Variants in GAK observed in about 807,000 individuals in gnomAD.
GAK encodes cyclin-G-associated kinase.
Under a neutral mutation model 143.9 loss-of-function variants are expected in GAK, and 79 were observed. That is an observed-to-expected ratio of 0.55 (90% CI 0.46 to 0.66). The LOEUF (loss-of-function observed/expected upper bound fraction) is 0.66, where lower values mean the gene tolerates loss of function less well. GAK is among the 30% of genes least tolerant of loss of function. The probability of loss-of-function intolerance (pLI) is 0.00; values close to 1 mark genes in which losing one functional copy is unlikely to be tolerated. For missense variants in GAK, 1,693 were observed against 1,779.7 expected (o/e 0.95, Z 0.88); for synonymous variants, 881 against 765.5 (o/e 1.15, Z -2.49).
At position 877,195 on chromosome 4, in the gene GAK, A is replaced by C. The variant is rs769201527; in HGVS notation, c.1869T>G (p.Ile623Met). The C allele has an allele frequency of 6.2e-7, 1 of 1,611,864 alleles. No homozygotes were observed. The highest frequency in any genetic ancestry group is 8.5e-7 in the Non-Finnish European group (1 of 1,178,076). The change falls in exon 17 of 28, where the codon ATT (isoleucine) becomes ATG (methionine). Residue 623 changes from isoleucine to methionine, a missense_variant. Ile to Met is a conservative substitution (Grantham distance 10, BLOSUM62 1). This residue lies in a region of GAK where 871 missense variants were observed against 991.0 expected (regional missense o/e 0.88). Transcript: ENST00000314167. ...QEYDKMRDFKIEDGKAVIPLG... is the reference protein window; with the variant it reads ...QEYDKMRDFKMEDGKAVIPLG... ...GGGGAATCACCGCTTTGCCATCTTCAATCTTAAAGTCCCTAAGGACAGAAT... is the reference window on the plus strand; with the variant it reads ...GGGGAATCACCGCTTTGCCATCTTCCATCTTAAAGTCCCTAAGGACAGAAT...
chr4:873,024 G>A (rs1371995775), intron 18 of GAK, among the ~76,000 whole-genome samples: 3 of 151,624 alleles, frequency 2.0e-5, no homozygotes, highest in South Asian at 2.1e-4. Flanking sequence ...CAGGCACGGC[G>A]CAGGCTCACC....
At chr4:856,723 C>T (rs991082292) in intron 24 of GAK, among the ~76,000 whole-genome samples, 3 of 151,130 alleles carry the variant, frequency 2.0e-5, no homozygotes, top group African/African-American at 4.9e-5. Flanking sequence ...ACCACAGCTG[C>T]TCACCACAGC....
At chr4:858,749 A>G (rs887720696) in intron 24 of GAK, among the ~76,000 whole-genome samples, 1 of 152,072 alleles carries the variant, frequency 6.6e-6, no homozygotes, top group Non-Finnish European at 1.5e-5. Context: ...GAGAGTGAGG[A>G]CTCGAAGCCA....
At position 870,693 on chromosome 4, in the gene GAK, T is replaced by A. The variant is rs374534522; in HGVS notation, c.2248+18A>T. 2.4e-5 allele frequency: 39 copies of A among 1,611,800 alleles called. No individual in the cohort carries two copies. In the African/African-American group the frequency reaches 3.7e-4, roughly 15 times the overall value. On this transcript the variant is annotated intron_variant, in intron 19 of 27. Transcript: ENST00000314167. ...CTCACCAGAACAGGGTTCACCTAATTCACCTGCGGGATCTTACCAAACTTA... is the reference window on the plus strand; with the variant it reads ...CTCACCAGAACAGGGTTCACCTAATACACCTGCGGGATCTTACCAAACTTA...
chr4:904,519 C>T lies in GAK; in HGVS notation c.525+118G>A, dbSNP rs528690218. The stretch of plus-strand genomic sequence containing the variant: ...GGGCGGCTCCTAACCGAGCGGGACC[C>T]GCACACAGAGGCCTCAGCAGCCGCT... On this transcript the variant is annotated intron_variant, in intron 5 of 27. Transcript: ENST00000314167. 3.4e-5 allele frequency: 29 copies of T among 859,872 alleles called. No individual in the cohort carries two copies. In the Admixed American group the frequency reaches 4.2e-4, roughly 13 times the overall value. 53.3% of individuals were successfully genotyped at this position (859,872 alleles called of 1,614,324 possible). A position where few individuals can be genotyped will look rare whatever the true frequency, so the allele number is the denominator to read the frequency against.
At chr4:874,641 G>A (rs74705729) in intron 18 of GAK, among the ~76,000 whole-genome samples, 6,392 of 151,840 alleles carry the variant, frequency 0.042, 155 homozygotes, top group East Asian at 0.094. Flanking sequence ...GATGCTCTGA[G>A]GTACTGAACC....
At chr4:859,267 G>A (rs1252466356) in intron 24 of GAK, 1 of 1,242,030 alleles carries the variant, frequency 8.1e-7, no homozygotes, top group African/African-American at 1.5e-5. Context: ...CACAGCCTCG[G>A]GGACTGAGCA....
intron 1 of GAK, among the ~76,000 whole-genome samples, chr4:928,283 C>G (rs1205529480): frequency 6.6e-6 from 1 of 152,230 alleles, no homozygotes; most frequent in Non-Finnish European, 1.5e-5. Flanking sequence ...GTTTCGAACT[C>G]CTGACTTCGG....
Position 898,139 on chromosome 4 carries a change from C to CAG in GAK, c.544_545insCT (p.Ser182ThrfsTer52). 6.2e-7 allele frequency: 1 copy of CAG among 1,614,152 alleles called. No homozygotes were observed. The highest frequency in any genetic ancestry group is 8.5e-7 in the Non-Finnish European group (1 of 1,179,966). On this transcript the variant is annotated frameshift_variant, in exon 6 of 28. Coordinates refer to ENST00000314167, the MANE Select transcript of GAK (RefSeq NM_005255.4). LOFTEE classifies it high-confidence loss of function. The stretch of plus-strand genomic sequence containing the variant: ...ACACAGCTTAATGGTCCCTTGGTTA[C>CAG]TAAGCAACAAGTTCTCAACCTGTAA...
Position 913,617 on chromosome 4 carries a change from T to C in GAK, c.197A>G (p.Tyr66Cys). Residue 66 changes from tyrosine (Y) to cysteine (C), a missense_variant, in exon 2 of 28, where the codon TAT becomes TGT. Tyr to Cys is a radical substitution (Grantham distance 194, BLOSUM62 -2). This residue lies in a region of GAK where 871 missense variants were observed against 991.0 expected (regional missense o/e 0.88). Coordinates refer to ENST00000314167, the MANE Select transcript of GAK (RefSeq NM_005255.4). ...EAQDVGSGRE[Y>C]ALKRLLSNEE... is the part of the protein sequence containing the mutation. ...TAAATGGTTCATTACCTTTAATGCA[T>C]ACTCTCTGCCACTCCCCACATCTTG... 1 of 1,613,138 alleles carries C rather than the reference T, an allele frequency of 6.2e-7. No homozygotes were observed. The highest frequency in any genetic ancestry group is 8.5e-7 in the Non-Finnish European group (1 of 1,179,126).
intron 24 of GAK, 40 bp downstream of exon 24, chr4:859,566 G>C: frequency 6.3e-7 from 1 of 1,587,084 alleles, no homozygotes. Context: ...CCTCCTACAA[G>C]GAAACAGCTT....
chr4:901,027 G>A (rs916938169), intron 5 of GAK, among the ~76,000 whole-genome samples: 1 of 152,150 alleles, frequency 6.6e-6, no homozygotes. Context: ...GAGTTCAGGG[G>A]ACAAACGAAA....
chr4:910,723 G>A (rs1034963330), intron 4 of GAK, among the ~76,000 whole-genome samples: 2 of 151,138 alleles, frequency 1.3e-5, no homozygotes, highest in Non-Finnish European at 3.0e-5. Flanking sequence ...TGCTGCTCCC[G>A]GCCTCTCCTC....
intron 24 of GAK, among the ~76,000 whole-genome samples, chr4:857,321 T>C (rs923818077): frequency 6.6e-6 from 1 of 152,334 alleles, no homozygotes. Flanking sequence ...AGGGTGATAG[T>C]ATGAGCTTCG....
chr4:849,950 G>A lies in GAK; in HGVS notation c.3776C>T (p.Ala1259Val). ...ATAGTGCTTCTTCACTTGCTCCGGA[G>A]CCACCAGGTCGGCCATGCCCACGGG... is the stretch of plus-strand genomic sequence containing the variant. ...WTPVGMADLV[A>V]PEQVKKHYRR... is the part of the protein sequence containing the mutation. The change falls in exon 27 of 28, where the codon GCT becomes GTT. Residue 1259 changes from alanine (A) to valine (V), a missense_variant. Ala to Val is a moderately conservative substitution (Grantham distance 64). This residue lies in a region of GAK where 822 missense variants were observed against 788.7 expected (regional missense o/e 1.04). Coordinates refer to ENST00000314167, the MANE Select transcript of GAK (RefSeq NM_005255.4). 2 of 1,611,850 alleles carry A rather than the reference G, an allele frequency of 1.2e-6. No homozygotes were observed. Among genetic ancestry groups the A allele is most frequent in the Non-Finnish European group, 1.7e-6 (2 of 1,179,384 alleles).
In GAK at chr4:896,581, T is replaced by C. The variant is rs749439415; in HGVS notation, c.652-32A>G. The C allele has an allele frequency of 1.0e-5, 16 of 1,526,860 alleles. No homozygotes were observed. In the South Asian group the frequency reaches 1.6e-4, roughly 15 times the overall value. 94.6% of individuals were successfully genotyped at this position (1,526,860 alleles called of 1,614,324 possible). On this transcript the variant is annotated intron_variant, in intron 6 of 27. Transcript: ENST00000314167. ...AAATACAAACATTTCAAAGGAAAAG[T>C]TGCATCCCACAAACAGTATTTTTTA...
At position 867,155 on chromosome 4, in the gene GAK, G is replaced by A. The variant is rs753898629; in HGVS notation, c.2673C>T (p.Gly891=). The change falls in exon 21 of 28, where the codon GGC becomes GGT. Residue 891 remains glycine, a synonymous_variant. Transcript: ENST00000314167. ...VDLLGLHSEV[G]AGPAVPPQAC... ...CCTGCGGGGGTACAGCTGGCCCTGC[G>A]CCCACCTCGGAGTGCAGGCCCAGGA... is the stretch of plus-strand genomic sequence containing the variant. The A allele has an allele frequency of 5.0e-6, 8 of 1,598,006 alleles. No individual in the cohort carries two copies. Among genetic ancestry groups the A allele is most frequent in the South Asian group, 1.1e-5 (1 of 89,640 alleles).
At chr4:917,066 G>A (rs757878374) in intron 1 of GAK, among the ~76,000 whole-genome samples, 1 of 152,122 alleles carries the variant, frequency 6.6e-6, no homozygotes, top group Non-Finnish European at 1.5e-5. Flanking sequence ...AGTAAAAGAT[G>A]CCAGGCGAAA....
chr4:856,411 T>TCAC (rs576342349), intron 24 of GAK, among the ~76,000 whole-genome samples: 1 of 54,726 alleles, frequency 1.8e-5, no homozygotes, highest in Non-Finnish European at 3.6e-5. Context: ...CCACAGCTGC[T>TCAC]CACCACAGCT....
Sources: allele counts gnomAD v4.1 joint callset (sites outside exome capture counted in the v4.1 genomes callset), GRCh38; gene constraint gnomAD v4.1.1; regional missense constraint gnomAD v4.1.1; transcripts MANE v1.5; gene names NCBI Gene and HGNC (gene_info 2026-07-23, HGNC 2026-07-21).